SLC35D2: variants seen among roughly 807,000 people sequenced by gnomAD.
The protein encoded by SLC35D2 is solute carrier family 35 member D2.
A neutral mutation model predicts 41.8 loss-of-function variants in SLC35D2; 43 were observed. The observed-to-expected ratio is 1.03, with a 90% CI of 0.81 to 1.33. The LOEUF (loss-of-function observed/expected upper bound fraction) is 1.33, where lower values mean the gene tolerates loss of function less well. SLC35D2 is among the 40% of genes most tolerant of loss of function. SLC35D2 has a pLI of 0.00. For missense variants in SLC35D2, 380 were observed against 408.4 expected (o/e 0.93, Z 0.60); for synonymous variants, 150 against 163.9 (o/e 0.92, Z 0.65).
chr9:96,338,541 G>A (rs1391982986), intron 8 of SLC35D2, among the ~76,000 whole-genome samples: 1 of 137,830 alleles, frequency 7.3e-6, no homozygotes, highest in Non-Finnish European at 1.5e-5. Context: ...GGGCAACAGA[G>A]TGAGACCCTG....
rs868031776 is a variant in SLC35D2, at chr9:96,363,433, G to C, written c.279+1031C>G. ...CAGCCACATGAGATCCTCACCCTCA[G>C]GGAACTGACAGTCTGATTTAAACCT... On this transcript the variant is annotated intron_variant, in intron 3 of 11. Transcript: ENST00000253270. Among the ~76,000 whole-genome samples the C allele has an allele frequency of 5.9e-5, 9 of 152,324 alleles. 1 individual carries two copies. Among genetic ancestry groups the C allele is most frequent in the Middle Eastern group, 6.8e-3 (2 of 294 alleles).
At chr9:96,345,799 T>C (rs1268679335) in intron 6 of SLC35D2, among the ~76,000 whole-genome samples, 3 of 152,168 alleles carry the variant, frequency 2.0e-5, no homozygotes, top group African/African-American at 7.2e-5. Flanking sequence ...GAGGGGCAGC[T>C]GGGCAGAGGC....
chr9:96,377,873 G>A (rs945112808), intron 1 of SLC35D2, among the ~76,000 whole-genome samples: 1 of 152,216 alleles, frequency 6.6e-6, no homozygotes. Context: ...TCTCAACAGA[G>A]CATGAGCAGC....
intron 8 of SLC35D2, among the ~76,000 whole-genome samples, chr9:96,340,504 C>T (rs1829268147): frequency 6.6e-6 from 1 of 151,008 alleles, no homozygotes; most frequent in Admixed American, 6.6e-5. Context: ...CCTGTAGTTC[C>T]AGCTACTCAG....
chr9:96,345,262 A>T (rs1829522939), intron 7 of SLC35D2, 37 bp downstream of exon 7: 2 of 1,084,380 alleles, frequency 1.8e-6, no homozygotes, highest in African/African-American at 3.2e-5. Flanking sequence ...TAGGGGCCAG[A>T]TGACAGAGCC....
intron 8 of SLC35D2, among the ~76,000 whole-genome samples, chr9:96,337,635 T>C (rs1340047547): frequency 6.6e-6 from 1 of 152,132 alleles, no homozygotes; most frequent in Non-Finnish European, 1.5e-5. Flanking sequence ...ATTTGCTACT[T>C]ATAAAGCAAT....
At chr9:96,317,855 G>A (rs7850842), downstream of SLC35D2, among the ~76,000 whole-genome samples, 415 of 142,470 alleles carry the variant, frequency 2.9e-3, 1 homozygote, top group African/African-American at 0.011. Flanking sequence ...AAACCCAGTC[G>A]CTACCAAAAA....
At chr9:96,346,578 C>G (rs897256470) in intron 6 of SLC35D2, among the ~76,000 whole-genome samples, 3 of 152,164 alleles carry the variant, frequency 2.0e-5, no homozygotes, top group Admixed American at 6.5e-5. Context: ...CAATCTTTCT[C>G]GGCTCAAAAT....
chr9:96,321,711 C>T (rs1268218535), intron 11 of SLC35D2, among the ~76,000 whole-genome samples: 1 of 152,122 alleles, frequency 6.6e-6, no homozygotes, highest in Admixed American at 6.5e-5. Context: ...AGGTTAACAC[C>T]CTCCACTTTA....
rs556021358 is a variant in SLC35D2 at position 96,353,668 on chromosome 9, G to A, written c.348-1559C>T. On this transcript the variant is annotated intron_variant, in intron 4 of 11. Transcript: ENST00000253270. The stretch of plus-strand genomic sequence containing the variant: ...GCTGAAAATGAGTATTTAAAATTGT[G>A]TGTTAAAAGGTAGATTATGGGTGAT... Among the ~76,000 whole-genome samples the A allele has an allele frequency of 1.4e-4, 22 of 152,272 alleles. No individual in the cohort carries two copies. The South Asian group carries it at 3.7e-3, about 26-fold the overall frequency.
intron 6 of SLC35D2, among the ~76,000 whole-genome samples, chr9:96,347,683 T>A (rs1006681282): frequency 1.3e-5 from 2 of 152,076 alleles, no homozygotes; most frequent in Admixed American, 1.3e-4. Flanking sequence ...AGCAACTCCA[T>A]CTTAAATAGG....
intron 9 of SLC35D2, among the ~76,000 whole-genome samples, chr9:96,325,878 A>G (rs1233411590): frequency 6.6e-6 from 1 of 152,176 alleles, no homozygotes; most frequent in Non-Finnish European, 1.5e-5. Context: ...CACAGTCACA[A>G]ACCTTCAACA....
At chr9:96,322,185 A>G in intron 10 of SLC35D2, 105 bp from the exon 11 acceptor site, 1 of 727,282 alleles carries the variant, frequency 1.4e-6, no homozygotes, top group East Asian at 2.5e-5. Flanking sequence ...TTGCATAGAG[A>G]CTTGTACATA....
chr9:96,363,169 T>TTA (rs35968755), intron 3 of SLC35D2, among the ~76,000 whole-genome samples: 3,893 of 123,258 alleles, frequency 0.032, 71 homozygotes, highest in Middle Eastern at 0.059. Context: ...ACCTGGCTTA[T>TTA]TTTTTTTTTT....
At chr9:96,348,490 T>C (rs1292788265) in intron 6 of SLC35D2, among the ~76,000 whole-genome samples, 1 of 152,200 alleles carries the variant, frequency 6.6e-6, no homozygotes, top group Non-Finnish European at 1.5e-5. Flanking sequence ...GTGAAGCTAC[T>C]GCCGTGTGGA....
intron 1 of SLC35D2, among the ~76,000 whole-genome samples, chr9:96,369,159 C>A (rs1243782864): frequency 6.6e-6 from 1 of 152,010 alleles, no homozygotes; most frequent in African/African-American, 2.4e-5. Context: ...GTTGTGGACA[C>A]TGGGTAATGA....
At chr9:96,343,165 G>A (rs534180255) in intron 8 of SLC35D2, among the ~76,000 whole-genome samples, 7 of 152,234 alleles carry the variant, frequency 4.6e-5, no homozygotes, top group Non-Finnish European at 7.3e-5. Flanking sequence ...GGTGGCCACT[G>A]GAGCTGTCAC....
intron 1 of SLC35D2, among the ~76,000 whole-genome samples, chr9:96,370,265 C>T (rs549306482): frequency 6.6e-6 from 1 of 152,366 alleles, no homozygotes; most frequent in Admixed American, 6.5e-5. Flanking sequence ...CTCCTGGCAT[C>T]ACTTCCTAAC....
intron 3 of SLC35D2, among the ~76,000 whole-genome samples, chr9:96,363,514 AAAT>A: frequency 6.6e-6 from 1 of 152,230 alleles, no homozygotes; most frequent in African/African-American, 2.4e-5. Context: ...TCTAAGAATT[AAAT>A]GCCTGCCCTA....
Sources: gnomAD v4.1 joint callset for allele counts (sites outside exome capture counted in the v4.1 genomes callset) on GRCh38, gnomAD v4.1.1 for gene constraint, MANE v1.5 for transcripts, NCBI Gene and HGNC (gene_info 2026-07-23, HGNC 2026-07-21) for gene names.